The following ANXA8 variants were observed in gnomAD, a reference collection of about 807,000 sequenced individuals.
ANXA8 encodes annexin A8, also known as VAC-beta.
In ANXA8, 9 loss-of-function variants were observed where a neutral mutation model predicts 26.8. The ratio of observed to expected loss-of-function variants is 0.34; its 90% CI spans 0.20 to 0.59. The LOEUF (loss-of-function observed/expected upper bound fraction) is 0.59, where lower values mean the gene tolerates loss of function less well. Ranked by LOEUF, ANXA8 falls within the 20% of genes least tolerant of loss-of-function variation. The pLI is 0.84. For missense variants in ANXA8, 83 were observed against 238.5 expected (o/e 0.35, Z 4.29); for synonymous variants, 39 against 94.8 (o/e 0.41, Z 3.42).
At chr10:47,733,197 CTTTCTTTCTTTCTT>C in the ANXA8 span, among the ~76,000 whole-genome samples, 44 of 109,754 alleles carry the variant, frequency 4.0e-4, no homozygotes, top group African/African-American at 7.9e-4. Context: ...TTCTTTCTTT[CTTTCTTTCTTTCTT>C]TCTTTCTTTC....
chr10:47,748,050 C>A, the ANXA8 span, among the ~76,000 whole-genome samples: 1 of 152,246 alleles, frequency 6.6e-6, no homozygotes, highest in East Asian at 1.9e-4. Context: ...GGTGAACAGG[C>A]CTAACACATA....
chr10:47,626,065 A>C, the ANXA8 span, among the ~76,000 whole-genome samples: 1 of 150,472 alleles, frequency 6.6e-6, no homozygotes. Context: ...TTTAAAGCCC[A>C]TTAACCTTTT....
the ANXA8 span, among the ~76,000 whole-genome samples, chr10:47,617,659 T>A: frequency 5.4e-5 from 8 of 148,482 alleles, 1 homozygote; most frequent in Non-Finnish European, 7.4e-5. Flanking sequence ...ACTGCCCTCA[T>A]CTTTTTGCCC....
At chr10:47,647,939 T>C in the ANXA8 span, among the ~76,000 whole-genome samples, 284 of 151,734 alleles carry the variant, frequency 1.9e-3, 2 homozygotes, top group African/African-American at 5.4e-3. Context: ...ACATACGGAC[T>C]TCCTCAGAAG....
the ANXA8 span, among the ~76,000 whole-genome samples, chr10:47,551,104 A>T: frequency 1.2e-3 from 178 of 151,740 alleles, 2 homozygotes; most frequent in African/African-American, 3.9e-3. Context: ...AATTAAACAC[A>T]CCTTAAATCT....
At chr10:47,519,152 T>A in the ANXA8 span, among the ~76,000 whole-genome samples, 5 of 136,980 alleles carry the variant, frequency 3.7e-5, 1 homozygote, top group African/African-American at 1.1e-4. Context: ...AATAAGCAAA[T>A]TCTCATTATG....
At chr10:47,942,083 C>T in the ANXA8 span, among the ~76,000 whole-genome samples, 3 of 147,430 alleles carry the variant, frequency 2.0e-5, 1 homozygote, top group Non-Finnish European at 4.4e-5. Context: ...TTTGGAAATG[C>T]ACTTATACAT....
the ANXA8 span, among the ~76,000 whole-genome samples, chr10:47,686,540 G>T: frequency 1.3e-5 from 2 of 151,822 alleles, no homozygotes; most frequent in African/African-American, 2.4e-5. Flanking sequence ...TTGTCAGTTT[G>T]TTTTTCCTCT....
At chr10:47,701,148 C>A in the ANXA8 span, among the ~76,000 whole-genome samples, 1 of 148,460 alleles carries the variant, frequency 6.7e-6, no homozygotes, top group South Asian at 2.1e-4. Context: ...TAGAGAAATT[C>A]AAATTAAAAC....
the ANXA8 span, among the ~76,000 whole-genome samples, chr10:47,936,938 G>C: frequency 4.0e-5 from 6 of 151,102 alleles, no homozygotes; most frequent in South Asian, 1.0e-3. Context: ...AGGAGTTTGC[G>C]GCCCCAAGAT....
intron 8 of ANXA8, 46 bp downstream of exon 8, chr10:47,474,259 A>G (rs1839424834): frequency 2.5e-6 from 4 of 1,583,018 alleles, no homozygotes; most frequent in Admixed American, 3.4e-5. Context: ...GCTCATGGCC[A>G]GGACACCCCC....
At chr10:47,646,026 C>A in the ANXA8 span, among the ~76,000 whole-genome samples, 1 of 149,092 alleles carries the variant, frequency 6.7e-6, no homozygotes, top group African/African-American at 2.6e-5. Flanking sequence ...CAAGAATTAT[C>A]TTCTTCTAGC....
At chr10:47,938,783 A>T in the ANXA8 span, among the ~76,000 whole-genome samples, 2 of 149,378 alleles carry the variant, frequency 1.3e-5, no homozygotes, top group African/African-American at 5.0e-5. Context: ...AGCCTGGGGG[A>T]AGGAACAAAT....
At chr10:47,918,437 GA>G in the ANXA8 span, among the ~76,000 whole-genome samples, 1 of 55,978 alleles carries the variant, frequency 1.8e-5, no homozygotes, top group Non-Finnish European at 3.9e-5. Flanking sequence ...AAGAAAGAGA[GA>G]GAGAAAGACA....
At position 47,483,896 on chromosome 10, in the gene ANXA8, T is replaced by A; in HGVS notation, c.21+17A>T. On this transcript the variant is annotated intron_variant, in intron 1 of 11. Coordinates refer to ENST00000585281, the MANE Select transcript of ANXA8 (RefSeq NM_001040084.3). ...ACACCATGCAGGAACCCAAATCTCC[T>A]GCCAGCTCCCACTTACCCAGGATTT... 6.2e-7 allele frequency: 1 copy of A among 1,611,774 alleles called. No individual in the cohort carries two copies. The highest frequency in any genetic ancestry group is 8.5e-7 in the Non-Finnish European group (1 of 1,179,854).
chr10:47,928,936 C>T, the ANXA8 span, among the ~76,000 whole-genome samples: 37 of 89,504 alleles, frequency 4.1e-4, no homozygotes, highest in Non-Finnish European at 4.2e-5. Context: ...AAAATTAAGT[C>T]TTTTTTTTTT....
the ANXA8 span, among the ~76,000 whole-genome samples, chr10:47,947,598 T>C: frequency 6.6e-6 from 1 of 150,792 alleles, no homozygotes; most frequent in Non-Finnish European, 1.5e-5. Flanking sequence ...GTTCTTGTGA[T>C]AGTGAGTGAG....
At chr10:47,622,202 A>T in the ANXA8 span, among the ~76,000 whole-genome samples, 1 of 112,808 alleles carries the variant, frequency 8.9e-6, no homozygotes, top group Non-Finnish European at 1.9e-5. Context: ...TGCATGGTAC[A>T]TGCAAGAGAC....
At chr10:47,625,398 A>AT in the ANXA8 span, among the ~76,000 whole-genome samples, 1 of 113,542 alleles carries the variant, frequency 8.8e-6, no homozygotes, top group African/African-American at 3.6e-5. Context: ...TGCCTGGCTA[A>AT]TTTTTTGTAT....
Sources: gnomAD v4.1 joint callset for allele counts (sites outside exome capture counted in the v4.1 genomes callset) on GRCh38, gnomAD v4.1.1 for gene constraint, MANE v1.5 for transcripts, NCBI Gene and HGNC (gene_info 2026-07-23, HGNC 2026-07-21) for gene names.